The following RANBP17 variants were observed in gnomAD, a reference collection of about 807,000 sequenced individuals.
RANBP17 encodes the protein RAN binding protein 17.
A neutral mutation model predicts 141.2 loss-of-function variants in RANBP17; 158 were observed. The ratio of observed to expected loss-of-function variants is 1.12; its 90% CI spans 0.98 to 1.28. RANBP17 has a LOEUF of 1.28. Among genes scored for constraint, RANBP17 ranks in the 50% most tolerant of loss-of-function variants. The pLI, the probability that RANBP17 is intolerant of heterozygous loss-of-function variation, is 0.00. For missense variants in RANBP17, 1,438 were observed against 1,290.7 expected (o/e 1.11, Z -1.75); for synonymous variants, 430 against 450.0 (o/e 0.96, Z 0.56).
intron 24 of RANBP17, among the ~76,000 whole-genome samples, chr5:171,257,769 C>T (rs1255451810): frequency 3.3e-5 from 5 of 151,842 alleles, no homozygotes; most frequent in East Asian, 3.9e-4. Context: ...ATGATCTATC[C>T]GAGAATGAAA....
chr5:171,192,815 G>T (rs1385497709), intron 18 of RANBP17, among the ~76,000 whole-genome samples: 1 of 152,112 alleles, frequency 6.6e-6, no homozygotes, highest in Non-Finnish European at 1.5e-5. Context: ...AAGATCTGAT[G>T]ACACTTCCCA....
At chr5:170,878,376 TC>T (rs1446075146) in intron 2 of RANBP17, 133 bp downstream of exon 2, 1 of 722,210 alleles carries the variant, frequency 1.4e-6, no homozygotes, top group Non-Finnish European at 2.1e-6. Context: ...AACTATAGTT[TC>T]ACTGTCAAAG....
chr5:171,290,378 A>G (rs951949411), intron 25 of RANBP17, among the ~76,000 whole-genome samples: 2 of 148,750 alleles, frequency 1.3e-5, no homozygotes, highest in Non-Finnish European at 3.0e-5. Flanking sequence ...AAAAAAAAAA[A>G]AAAGAAAGAA....
In RANBP17 at chr5:171,121,737, T is replaced by A. The variant is rs1476325296; in HGVS notation, c.1711-48393T>A. Among the ~76,000 whole-genome samples, 3 of 152,178 alleles carry A rather than the reference T, an allele frequency of 2.0e-5. No homozygotes were observed. In the East Asian group the frequency reaches 5.8e-4, roughly 29 times the overall value. On this transcript the variant is annotated intron_variant, in intron 14 of 27. Coordinates refer to ENST00000523189, the MANE Select transcript of RANBP17 (RefSeq NM_022897.5). Reference sequence around the variant, plus strand: ...GGGACCAGGCTCCATGCAACTAGGTTTGTGGTGTTCAGCCACCGGTGTGGG... The same window carrying A: ...GGGACCAGGCTCCATGCAACTAGGTATGTGGTGTTCAGCCACCGGTGTGGG...
intron 14 of RANBP17, among the ~76,000 whole-genome samples, chr5:171,110,233 T>C (rs1282712852): frequency 6.6e-6 from 1 of 152,028 alleles, no homozygotes; most frequent in East Asian, 1.9e-4. Flanking sequence ...TAGGCTTCGG[T>C]TTCCTCATTT....
chr5:171,107,014 C>T (rs1001285159), intron 14 of RANBP17, among the ~76,000 whole-genome samples: 1 of 136,398 alleles, frequency 7.3e-6, no homozygotes, highest in Admixed American at 7.8e-5. Context: ...TTAGGACCCA[C>T]GTATCTTTTG....
intron 14 of RANBP17, among the ~76,000 whole-genome samples, chr5:171,118,498 T>A (rs1406028545): frequency 6.6e-6 from 1 of 152,176 alleles, no homozygotes; most frequent in Non-Finnish European, 1.5e-5. Flanking sequence ...TATTGTCAGT[T>A]TTACAATATT....
intron 12 of RANBP17, among the ~76,000 whole-genome samples, chr5:170,949,498 A>C (rs1775032447): frequency 6.6e-6 from 1 of 152,176 alleles, no homozygotes; most frequent in Non-Finnish European, 1.5e-5. Context: ...TTAGTTATTA[A>C]GGAAAGGCGT....
At chr5:171,247,241 A>G (rs1276285045) in intron 24 of RANBP17, among the ~76,000 whole-genome samples, 3 of 152,272 alleles carry the variant, frequency 2.0e-5, no homozygotes, top group Middle Eastern at 3.4e-3. Flanking sequence ...GGCCTGGTAG[A>G]GATTATTTTC....
intron 14 of RANBP17, among the ~76,000 whole-genome samples, chr5:171,084,015 G>A (rs1470475438): frequency 6.7e-6 from 1 of 149,340 alleles, no homozygotes; most frequent in South Asian, 2.1e-4. Flanking sequence ...CATTGTGCAG[G>A]TTAGTTACAT....
Position 171,097,579 on chromosome 5 carries a change from C to T in RANBP17, c.1711-72551C>T, listed in dbSNP as rs186507921. Among the ~76,000 whole-genome samples, 658 of 149,898 alleles carry T rather than the reference C, an allele frequency of 4.4e-3. 3 individuals carry two copies. The highest frequency in any genetic ancestry group is 7.9e-3 in the Non-Finnish European group (533 of 67,560). ...TATCAATAGTCCCATAGCTACTAAG[C>T]GGCAAAACCTTAACCTGTATGTAGT... On this transcript the variant is annotated intron_variant, in intron 14 of 27. Transcript: ENST00000523189.
In RANBP17 at chr5:170,928,725, G is replaced by A. The variant is rs563271966; in HGVS notation, c.1468+4175G>A. On this transcript the variant is annotated intron_variant, in intron 12 of 27. Coordinates refer to ENST00000523189, the MANE Select transcript of RANBP17 (RefSeq NM_022897.5). ...CTAATACTATATTGTCTTGATTACT[G>A]TAGCATTAATAATTCTTGAAATCAG... Among the ~76,000 whole-genome samples, 4 of 150,980 alleles carry A rather than the reference G, an allele frequency of 2.6e-5. No homozygotes were observed. In the East Asian group the frequency reaches 7.7e-4, roughly 29 times the overall value.
intron 14 of RANBP17, chr5:171,028,955 A>G: frequency 7.8e-7 from 1 of 1,287,782 alleles, no homozygotes; most frequent in Non-Finnish European, 1.0e-6. Context: ...CTGATTCATC[A>G]TCATCTGAAC....
Position 170,968,312 on chromosome 5 carries a change from A to G in RANBP17, c.1645A>G (p.Ile549Val), listed in dbSNP as rs747978034. The G allele has an allele frequency of 2.5e-6, 4 of 1,609,796 alleles. No homozygotes were observed. Among genetic ancestry groups the G allele is most frequent in the Non-Finnish European group, 3.4e-6 (4 of 1,177,970 alleles). Reference protein sequence around the residue: ...RCCNEKIELAILWFLDQFRKT... With the variant: ...RCCNEKIELAVLWFLDQFRKT... Reference sequence around the variant, plus strand: ...TTGTAATGAGAAAATAGAGCTTGCAATTCTGTGGTTCTTGGATCAGTTTCG... The same window carrying G: ...TTGTAATGAGAAAATAGAGCTTGCAGTTCTGTGGTTCTTGGATCAGTTTCG... The change falls in exon 14 of 28, where the codon ATT (isoleucine) becomes GTT (valine). Residue 549 changes from isoleucine (I) to valine (V), a missense_variant. Coordinates refer to ENST00000523189, the MANE Select transcript of RANBP17 (RefSeq NM_022897.5).
intron 12 of RANBP17, among the ~76,000 whole-genome samples, chr5:170,943,418 A>G (rs1198209740): frequency 1.3e-5 from 2 of 152,168 alleles, no homozygotes; most frequent in Admixed American, 6.5e-5. Flanking sequence ...GGTCATTAAC[A>G]GTAGTTAACG....
At chr5:171,141,210 G>C (rs1343742609) in intron 14 of RANBP17, among the ~76,000 whole-genome samples, 2 of 152,038 alleles carry the variant, frequency 1.3e-5, no homozygotes, top group Non-Finnish European at 2.9e-5. Context: ...GCCAAGATAA[G>C]ATCTCTTTCT....
chr5:170,954,544 A>ACACACACC (rs1382220178), intron 13 of RANBP17, among the ~76,000 whole-genome samples: 1 of 125,374 alleles, frequency 8.0e-6, no homozygotes, highest in African/African-American at 3.6e-5. Context: ...ACACACACAC[A>ACACACACC]CCCCAACCCC....
At chr5:171,259,607 A>C (rs754650328) in intron 24 of RANBP17, among the ~76,000 whole-genome samples, 14 of 152,236 alleles carry the variant, frequency 9.2e-5, no homozygotes, top group Admixed American at 5.9e-4. Flanking sequence ...TAAACCAGGC[A>C]AAGAAAGACA....
chr5:171,148,508 A>G (rs1758235374), intron 14 of RANBP17, among the ~76,000 whole-genome samples: 1 of 152,232 alleles, frequency 6.6e-6, no homozygotes, highest in Non-Finnish European at 1.5e-5. Flanking sequence ...ATAAATGAAT[A>G]TGAAACCACA....
Sources: allele counts gnomAD v4.1 joint callset (sites outside exome capture counted in the v4.1 genomes callset), GRCh38; gene constraint gnomAD v4.1.1; transcripts MANE v1.5; gene names NCBI Gene and HGNC (gene_info 2026-07-23, HGNC 2026-07-21).